The following LARGE1 variants were observed in gnomAD, a reference collection of about 807,000 sequenced individuals.
LARGE1 encodes LARGE xylosyl- and glucuronyltransferase 1, also known as xylosyl- and glucuronyltransferase LARGE1.
In LARGE1, 43 loss-of-function variants were observed where a neutral mutation model predicts 87.6. The observed-to-expected ratio is 0.49, with a 90% CI of 0.38 to 0.63. LARGE1 has a LOEUF of 0.63. Ranked by LOEUF, LARGE1 falls within the 30% of genes least tolerant of loss-of-function variation. The pLI, the probability that LARGE1 is intolerant of heterozygous loss-of-function variation, is 0.00. For missense variants in LARGE1, 802 were observed against 1,000.2 expected (o/e 0.80, Z 2.67); for synonymous variants, 434 against 394.6 (o/e 1.10, Z -1.18).
intron 9 of LARGE1, among the ~76,000 whole-genome samples, chr22:33,369,463 T>C (rs932772577): frequency 1.8e-4 from 27 of 152,016 alleles, no homozygotes; most frequent in Non-Finnish European, 3.2e-4. Context: ...TCTTGGTTTT[T>C]TTTTCCCCAA....
intron 2 of LARGE1, among the ~76,000 whole-genome samples, chr22:33,660,317 A>C (rs1231512455): frequency 6.6e-6 from 1 of 152,140 alleles, no homozygotes; most frequent in Non-Finnish European, 1.5e-5. Context: ...TGTTTCCTAG[A>C]AAAATGGAAG....
At chr22:33,714,995 G>A (rs1014257482) in intron 2 of LARGE1, among the ~76,000 whole-genome samples, 3 of 152,216 alleles carry the variant, frequency 2.0e-5, no homozygotes, top group East Asian at 1.9e-4. Context: ...GGAAGGAGAA[G>A]AGACTATTTA....
At chr22:33,449,007 C>T (rs552425786) in intron 6 of LARGE1, among the ~76,000 whole-genome samples, 10 of 152,122 alleles carry the variant, frequency 6.6e-5, no homozygotes, top group East Asian at 5.8e-4. Context: ...TCTTATAGCA[C>T]GTAGTTTTTC....
intron 5 of LARGE1, among the ~76,000 whole-genome samples, chr22:33,603,302 A>G (rs2079160657): frequency 6.6e-6 from 1 of 152,210 alleles, no homozygotes; most frequent in African/African-American, 2.4e-5. Context: ...TTAGGTGTTG[A>G]GTCCTTCCCA....
chr22:33,324,206 G>A (rs950932061), intron 10 of LARGE1, among the ~76,000 whole-genome samples: 1 of 112,616 alleles, frequency 8.9e-6, no homozygotes, highest in African/African-American at 3.7e-5. Flanking sequence ...TCCAGTCTGG[G>A]CAACAGACCA....
chr22:33,347,158 T>C (rs1939859178), intron 9 of LARGE1, among the ~76,000 whole-genome samples: 1 of 152,244 alleles, frequency 6.6e-6, no homozygotes, highest in Admixed American at 6.5e-5. Context: ...ATTGTAAGCA[T>C]TCCTAACATA....
chr22:33,572,118 AT>A, intron 5 of LARGE1: 1 of 881,506 alleles, frequency 1.1e-6, no homozygotes, highest in Non-Finnish European at 1.7e-6. Flanking sequence ...TACTGGAAAT[AT>A]TTTTTGCTCA....
intron 5 of LARGE1, among the ~76,000 whole-genome samples, chr22:33,567,213 T>C (rs2078054110): frequency 6.6e-6 from 1 of 152,074 alleles, no homozygotes; most frequent in African/African-American, 2.4e-5. Flanking sequence ...TAGAAAAAAA[T>C]GTGGTTACTT....
At chr22:33,690,368 T>A (rs899101477) in intron 2 of LARGE1, among the ~76,000 whole-genome samples, 1 of 152,140 alleles carries the variant, frequency 6.6e-6, no homozygotes, top group Non-Finnish European at 1.5e-5. Flanking sequence ...AGTATACCCA[T>A]GAAGCACCAG....
the LARGE1 span, among the ~76,000 whole-genome samples, chr22:33,142,178 C>T: frequency 6.6e-6 from 1 of 152,200 alleles, no homozygotes; most frequent in East Asian, 1.9e-4. Context: ...GCTCTGTCTG[C>T]CTTTACTTTC....
intron 11 of LARGE1, among the ~76,000 whole-genome samples, chr22:33,234,018 C>T (rs529726430): frequency 6.6e-6 from 1 of 152,314 alleles, no homozygotes; most frequent in Admixed American, 6.5e-5. Context: ...TGCCTTCACC[C>T]TAGGAAATGC....
intron 2 of LARGE1, among the ~76,000 whole-genome samples, chr22:33,729,581 A>T (rs999585381): frequency 3.9e-5 from 6 of 152,228 alleles, no homozygotes; most frequent in African/African-American, 7.2e-5. Flanking sequence ...CAAAGTAGCC[A>T]CATTAGGAGG....
At chr22:33,161,250 G>A (rs1379202495), downstream of LARGE1, among the ~76,000 whole-genome samples, 1 of 152,084 alleles carries the variant, frequency 6.6e-6, no homozygotes, top group Non-Finnish European at 1.5e-5. Flanking sequence ...TCCCTCCCAC[G>A]ACCCATGGGG....
intron 11 of LARGE1, among the ~76,000 whole-genome samples, chr22:33,224,667 A>G (rs910627565): frequency 3.3e-5 from 5 of 152,180 alleles, no homozygotes; most frequent in African/African-American, 4.8e-5. Flanking sequence ...CCGAGATCCA[A>G]CAAGCTCCCT....
intron 4 of LARGE1, among the ~76,000 whole-genome samples, chr22:33,609,684 C>G (rs1412614723): frequency 6.6e-6 from 1 of 152,022 alleles, no homozygotes; most frequent in Admixed American, 6.6e-5. Context: ...GGCTGTGATA[C>G]AGTTTGGATA....
At chr22:33,524,657 G>C (rs1417530642) in intron 6 of LARGE1, among the ~76,000 whole-genome samples, 1 of 151,628 alleles carries the variant, frequency 6.6e-6, no homozygotes, top group African/African-American at 2.4e-5. Context: ...TCCAACATGA[G>C]TGTGAGAAAG....
the LARGE1 span, among the ~76,000 whole-genome samples, chr22:33,095,309 C>A: frequency 1.4e-4 from 21 of 152,174 alleles, no homozygotes; most frequent in African/African-American, 5.1e-4. Flanking sequence ...TGATGATTGT[C>A]GGCAATCCTT....
chr22:33,544,911 C>G (rs1417557092), intron 6 of LARGE1, among the ~76,000 whole-genome samples: 1 of 152,130 alleles, frequency 6.6e-6, no homozygotes, highest in Non-Finnish European at 1.5e-5. Flanking sequence ...CTCAAACACA[C>G]TAAAAACCAA....
intron 6 of LARGE1, among the ~76,000 whole-genome samples, chr22:33,518,722 T>C (rs912913906): frequency 6.6e-6 from 1 of 152,054 alleles, no homozygotes; most frequent in Non-Finnish European, 1.5e-5. Flanking sequence ...CCCTCCCAGG[T>C]CACCAGGCCA....
Sources: allele counts gnomAD v4.1 joint callset (sites outside exome capture counted in the v4.1 genomes callset), GRCh38; gene constraint gnomAD v4.1.1; transcripts MANE v1.5; gene names NCBI Gene and HGNC (gene_info 2026-07-23, HGNC 2026-07-21).